The following SNX29 variants were observed in gnomAD, a reference collection of about 807,000 sequenced individuals.
The protein encoded by SNX29 is sorting nexin-29.
Under a neutral mutation model 102.1 loss-of-function variants are expected in SNX29, and 78 were observed. That is an observed-to-expected ratio of 0.76 (90% CI 0.64 to 0.92). The LOEUF (loss-of-function observed/expected upper bound fraction) is 0.92, where lower values mean the gene tolerates loss of function less well. Among genes scored for constraint, SNX29 ranks in the 40% least tolerant of loss-of-function variants. The probability of loss-of-function intolerance (pLI) is 0.00; values close to 1 mark genes in which losing one functional copy is unlikely to be tolerated. For missense variants in SNX29, 1,280 were observed against 1,061.7 expected (o/e 1.21, Z -2.86); for synonymous variants, 580 against 414.5 (o/e 1.40, Z -4.85).
chr16:12,544,571 T>C (rs1014568426), intron 20 of SNX29, among the ~76,000 whole-genome samples: 1 of 152,224 alleles, frequency 6.6e-6, no homozygotes, highest in Non-Finnish European at 1.5e-5. Flanking sequence ...ATGGATTCAT[T>C]GTTCTGCAGG....
chr16:12,549,991 GCTT>G (rs1009436019), intron 20 of SNX29, among the ~76,000 whole-genome samples: 45 of 152,336 alleles, frequency 3.0e-4, no homozygotes, highest in African/African-American at 8.4e-4. Flanking sequence ...TTCATGTATA[GCTT>G]CTTATTATAA....
intron 15 of SNX29, among the ~76,000 whole-genome samples, chr16:12,293,525 C>T (rs745915035): frequency 2.6e-5 from 4 of 152,140 alleles, no homozygotes; most frequent in Non-Finnish European, 5.9e-5. Context: ...TGGTGGAAGA[C>T]GTTTCTAAAG....
chr16:12,531,746 G>A (rs953835313), intron 20 of SNX29, among the ~76,000 whole-genome samples: 5 of 152,216 alleles, frequency 3.3e-5, no homozygotes, highest in African/African-American at 1.2e-4. Context: ...TGAAAAGGAA[G>A]CATTGGGGTC....
intron 3 of SNX29, among the ~76,000 whole-genome samples, chr16:12,003,735 G>A (rs1344796093): frequency 5.9e-5 from 9 of 152,302 alleles, no homozygotes; most frequent in East Asian, 3.9e-4. Context: ...GGCCGGGTGC[G>A]GTGGCTCATG....
At position 12,408,173 on chromosome 16, in the gene SNX29, C is replaced by CA. The variant is rs1235037141; in HGVS notation, c.2037+4647dup. Among the ~76,000 whole-genome samples, 53 of 78,358 alleles carry CA rather than the reference C, an allele frequency of 6.8e-4. 1 individual carries two copies. The highest frequency in any genetic ancestry group is 1.6e-3 in the African/African-American group (51 of 31,176). 51.4% of individuals were successfully genotyped at this position (78,358 alleles called of 152,430 possible). ...GACCCTTCTCAAAAAAACAAACAAA[C>CA]AAACAAAAAAAAAACTAGAAGCAGC... On this transcript the variant is annotated intron_variant, in intron 18 of 20. Transcript: ENST00000566228.
chr16:12,099,451 T>C (rs900299998), intron 11 of SNX29, among the ~76,000 whole-genome samples: 1 of 152,152 alleles, frequency 6.6e-6, no homozygotes, highest in African/African-American at 2.4e-5. Context: ...TGCTGCATTG[T>C]TCCTGGGTAG....
At chr16:12,500,348 C>A (rs1477859723) in intron 19 of SNX29, among the ~76,000 whole-genome samples, 1 of 152,138 alleles carries the variant, frequency 6.6e-6, no homozygotes, top group East Asian at 1.9e-4. Context: ...TGCCTGCAGA[C>A]CAATAACTGA....
rs1422518278 is a variant in SNX29, at chr16:12,380,524, T to C, written c.1900-17922T>C. Among the ~76,000 whole-genome samples, 3 of 62,984 alleles carry C rather than the reference T, an allele frequency of 4.8e-5. No homozygotes were observed. The Admixed American group carries it at 5.4e-4, about 11-fold the overall frequency. 41.3% of individuals were successfully genotyped at this position (62,984 alleles called of 152,430 possible). ...TATCCACCTACCCACCCCTCATCCA[T>C]CCACCTGTCCACCTACCACCCACCA... On this transcript the variant is annotated intron_variant, in intron 16 of 20. Transcript: ENST00000566228.
intron 20 of SNX29, among the ~76,000 whole-genome samples, chr16:12,541,382 A>C (rs1274134752): frequency 6.6e-6 from 1 of 152,288 alleles, no homozygotes; most frequent in East Asian, 1.9e-4. Context: ...GGCAGTTACC[A>C]TGTGCAGGCT....
rs147676334 is a variant in SNX29 at position 12,513,694 on chromosome 16, T to G, written c.2179-11008T>G. Among the ~76,000 whole-genome samples, 7 of 152,300 alleles carry G rather than the reference T, an allele frequency of 4.6e-5. No individual in the cohort carries two copies. In the East Asian group the frequency reaches 1.4e-3, roughly 29 times the overall value. On this transcript the variant is annotated intron_variant, in intron 19 of 20. Coordinates refer to ENST00000566228, the MANE Select transcript of SNX29 (RefSeq NM_032167.5). ...TGGGGCCAAGTCCCAGTATAAAGAT[T>G]AGAACAGTTTTCTTTTCTAAATTTG...
intron 10 of SNX29, among the ~76,000 whole-genome samples, chr16:12,073,993 C>T (rs1486563633): frequency 6.6e-6 from 1 of 152,062 alleles, no homozygotes; most frequent in Admixed American, 6.6e-5. Context: ...ATTGCAACCC[C>T]TGCCTTTTTT....
intron 13 of SNX29, among the ~76,000 whole-genome samples, chr16:12,145,201 T>TAAAA (rs74268785): frequency 7.0e-6 from 1 of 143,322 alleles, no homozygotes. Context: ...TTTTCATACT[T>TAAAA]AAAAAAAAAA....
intron 13 of SNX29, among the ~76,000 whole-genome samples, chr16:12,154,381 C>T (rs565524088): frequency 2.1e-3 from 326 of 152,348 alleles, no homozygotes; most frequent in South Asian, 4.1e-3. Context: ...CCTCTCCCCT[C>T]TGACACCCCT....
intron 12 of SNX29, 149 bp from the exon 13 acceptor site, chr16:12,129,481 G>C (rs2054359553): frequency 2.8e-6 from 3 of 1,057,122 alleles, no homozygotes; most frequent in East Asian, 3.1e-5. Flanking sequence ...GCTATCTCCA[G>C]TTCACATGAG....
chr16:12,107,420 A>G (rs1002332206), intron 11 of SNX29, among the ~76,000 whole-genome samples: 1 of 150,276 alleles, frequency 6.7e-6, no homozygotes, highest in Middle Eastern at 3.2e-3. Flanking sequence ...TAATCCCAGC[A>G]CTGTAGGAGG....
intron 3 of SNX29, among the ~76,000 whole-genome samples, chr16:12,023,577 C>CAAA (rs542942692): frequency 1.3e-4 from 18 of 135,400 alleles, no homozygotes; most frequent in African/African-American, 4.5e-4. Flanking sequence ...GACCCTGTCT[C>CAAA]AAAAAAAAAA....
At chr16:12,275,877 A>T (rs943228536) in intron 14 of SNX29, among the ~76,000 whole-genome samples, 8 of 124,972 alleles carry the variant, frequency 6.4e-5, no homozygotes, top group African/African-American at 2.0e-4. Flanking sequence ...GAAACATTTT[A>T]ATTGTTTTTT....
At chr16:12,455,500 TTCTC>T (rs1180483483) in intron 18 of SNX29, among the ~76,000 whole-genome samples, 1 of 152,212 alleles carries the variant, frequency 6.6e-6, no homozygotes, top group African/African-American at 2.4e-5. Flanking sequence ...GAAGTCCTCT[TTCTC>T]CCCACATTAG....
intron 17 of SNX29, among the ~76,000 whole-genome samples, chr16:12,401,261 TCCAGGAAAGACTGTATGTTAGG>T (rs1361094755): frequency 6.6e-6 from 1 of 152,168 alleles, no homozygotes; most frequent in East Asian, 1.9e-4. Context: ...CCTGTAACTT[TCCAGGAAAGACTGTATGTTAGG>T]CCACAAAACC....
Sources: allele counts gnomAD v4.1 joint callset (sites outside exome capture counted in the v4.1 genomes callset), GRCh38; gene constraint gnomAD v4.1.1; transcripts MANE v1.5; gene names NCBI Gene and HGNC (gene_info 2026-07-23, HGNC 2026-07-21).